Variants in CLASP1 observed in about 807,000 individuals in gnomAD.
CLASP1 encodes the protein cytoplasmic linker associated protein 1, also known as CLIP-associating protein 1.
CLASP1 carries 38 observed loss-of-function variants against 192.3 expected under a neutral mutation model. That is an observed-to-expected ratio of 0.20 (90% CI 0.15 to 0.26). The LOEUF is 0.26. Ranked by LOEUF, CLASP1 falls within the 10% of genes least tolerant of loss-of-function variation. The pLI, the probability that CLASP1 is intolerant of heterozygous loss-of-function variation, is 1.00. For missense variants in CLASP1, 1,433 were observed against 1,932.5 expected (o/e 0.74, Z 4.85); for synonymous variants, 691 against 712.8 (o/e 0.97, Z 0.49).
At chr2:121,529,217 T>A in intron 3 of CLASP1, among the ~76,000 whole-genome samples, 1 of 152,034 alleles carries the variant, frequency 6.6e-6, no homozygotes, top group Non-Finnish European at 1.5e-5. Flanking sequence ...TAGTTTTACA[T>A]CACGCCCATA....
intron 2 of CLASP1, chr2:121,531,052 T>TTC (rs2094825858): frequency 2.9e-6 from 2 of 697,340 alleles, no homozygotes; most frequent in African/African-American, 3.5e-5. Context: ...ACAGCAGTAA[T>TTC]TCGTAAATAA....
At chr2:121,536,676 G>A (rs1186509796) in intron 2 of CLASP1, among the ~76,000 whole-genome samples, 1 of 152,196 alleles carries the variant, frequency 6.6e-6, no homozygotes, top group Non-Finnish European at 1.5e-5. Flanking sequence ...GTGGAATAAA[G>A]TAAGCCAGTC....
At chr2:121,413,487 GCTTA>G (rs1024536253) in intron 23 of CLASP1, among the ~76,000 whole-genome samples, 32 of 152,244 alleles carry the variant, frequency 2.1e-4, no homozygotes, top group Admixed American at 9.2e-4. Flanking sequence ...ATTACTGTAT[GCTTA>G]CTTTTTGCCA....
intron 2 of CLASP1, chr2:121,530,985 A>C (rs983574623): frequency 4.3e-6 from 3 of 700,352 alleles, no homozygotes; most frequent in African/African-American, 1.7e-5. Context: ...CTTTTGCTTT[A>C]TTTTGGTGCA....
At chr2:121,531,138 GT>G (rs1210528238) in intron 2 of CLASP1, 3 of 612,392 alleles carry the variant, frequency 4.9e-6, no homozygotes, top group Non-Finnish European at 8.9e-6. Context: ...AGTTCTTTCA[GT>G]TTTTGCGGTG....
At position 121,469,772 on chromosome 2, in the gene CLASP1, G is replaced by C. The variant is rs779172908; in HGVS notation, c.865+36C>G. On this transcript the variant is annotated intron_variant, in intron 9 of 39. Transcript: ENST00000263710. ...ACCTCTGGTTTGAAAAGCTGGCATA[G>C]CTGACCCCAGAACGCCACACAGGGC... 24 of 1,575,176 alleles carry C rather than the reference G, an allele frequency of 1.5e-5. 1 individual carries two copies. The South Asian group carries it at 2.6e-4, about 17-fold the overall frequency.
At chr2:121,525,909 T>C in exon 6 of CLASP1, 1 of 1,613,134 alleles carries the variant, frequency 6.2e-7, no homozygotes, top group Non-Finnish European at 8.5e-7. Context: ...TGTTAAAGTC[T>C]GTGCTCCAGA....
intron 24 of CLASP1, among the ~76,000 whole-genome samples, chr2:121,408,687 C>G (rs2077261155): frequency 6.6e-6 from 1 of 152,064 alleles, no homozygotes; most frequent in Non-Finnish European, 1.5e-5. Flanking sequence ...CACACAAAAT[C>G]CAGATTCCTA....
chr2:121,565,989 G>A (rs1250367116), intron 2 of CLASP1, among the ~76,000 whole-genome samples: 2 of 152,152 alleles, frequency 1.3e-5, no homozygotes, highest in African/African-American at 2.4e-5. Flanking sequence ...TTTCAGGGAC[G>A]GCCAGAAACA....
chr2:121,593,626 C>CAAAAA (rs61315745), intron 2 of CLASP1, among the ~76,000 whole-genome samples: 902 of 50,472 alleles, frequency 0.018, 17 homozygotes, highest in African/African-American at 0.048. Context: ...AACTCCGTCT[C>CAAAAA]AAAAAAAAAA....
Position 121,528,788 on chromosome 2 carries a change from T to C in CLASP1, c.275-8A>G. On this transcript the variant is annotated splice_polypyrimidine_tract_variant and splice_region_variant and intron_variant, in intron 3 of 39. Coordinates refer to ENST00000263710, the Ensembl canonical transcript of CLASP1. ...CTATTAGACTTGGCAGCACTGAAAA[T>C]CAAAATGGAAACTGATCAAATGAAA... 1 of 1,607,732 alleles carries C rather than the reference T, an allele frequency of 6.2e-7. No homozygotes were observed. The highest frequency in any genetic ancestry group is 8.5e-7 in the Non-Finnish European group (1 of 1,174,212).
intron 33 of CLASP1, among the ~76,000 whole-genome samples, chr2:121,380,088 A>G (rs1054227865): frequency 6.6e-6 from 1 of 152,230 alleles, no homozygotes; most frequent in African/African-American, 2.4e-5. Flanking sequence ...AGGAGGAAAC[A>G]GACCATGCTA....
At chr2:121,563,000 A>G (rs1424854934) in intron 2 of CLASP1, among the ~76,000 whole-genome samples, 1 of 152,180 alleles carries the variant, frequency 6.6e-6, no homozygotes, top group African/African-American at 2.4e-5. Context: ...CCCCAGAGGC[A>G]CTTGGCTGAG....
chr2:121,552,719 G>C (rs1475508170), intron 2 of CLASP1, among the ~76,000 whole-genome samples: 1 of 152,210 alleles, frequency 6.6e-6, no homozygotes, highest in African/African-American at 2.4e-5. Context: ...AGAGAAAAGG[G>C]AACACTTAAC....
At chr2:121,503,644 T>C (rs1157571382) in intron 7 of CLASP1, among the ~76,000 whole-genome samples, 5 of 152,222 alleles carry the variant, frequency 3.3e-5, no homozygotes, top group African/African-American at 1.2e-4. Context: ...ATGGAGCTTT[T>C]CAAAATGCAC....
intron 33 of CLASP1, among the ~76,000 whole-genome samples, chr2:121,379,632 G>A (rs1574058794): frequency 6.6e-6 from 1 of 151,972 alleles, no homozygotes; most frequent in African/African-American, 2.4e-5. Flanking sequence ...TAACAGCATA[G>A]CCCATGCAAA....
chr2:121,483,697 T>G (rs2092783130), intron 8 of CLASP1, among the ~76,000 whole-genome samples: 1 of 152,096 alleles, frequency 6.6e-6, no homozygotes, highest in Non-Finnish European at 1.5e-5. Context: ...GTCCTACAAT[T>G]TGAAAAGTTA....
intron 2 of CLASP1, among the ~76,000 whole-genome samples, chr2:121,572,803 T>C (rs552357595): frequency 1.8e-4 from 27 of 152,072 alleles, no homozygotes; most frequent in Non-Finnish European, 3.8e-4. Flanking sequence ...TGGTGACTGG[T>C]CATGCCTCAA....
intron 4 of CLASP1, 51 bp downstream of exon 4, chr2:121,528,626 G>T: frequency 1.4e-6 from 2 of 1,390,198 alleles, no homozygotes; most frequent in Non-Finnish European, 2.0e-6. Context: ...CCTCGCACGT[G>T]CATGCACGCG....
Sources: allele counts gnomAD v4.1 joint callset (sites outside exome capture counted in the v4.1 genomes callset), GRCh38; gene constraint gnomAD v4.1.1; transcripts MANE v1.5; gene names NCBI Gene and HGNC (gene_info 2026-07-23, HGNC 2026-07-21).